WWOX: variants seen among roughly 807,000 people sequenced by gnomAD.
WWOX encodes WW domain-containing oxidoreductase.
WWOX carries 69 observed loss-of-function variants against 46.2 expected under a neutral mutation model. That is an observed-to-expected ratio of 1.49 (90% CI 1.23 to 1.82). The LOEUF (loss-of-function observed/expected upper bound fraction) is 1.82. WWOX is among the 40% of genes most tolerant of loss of function. The pLI, the probability that WWOX is intolerant of heterozygous loss-of-function variation, is 0.00. For missense variants in WWOX, 919 were observed against 542.6 expected (o/e 1.69, Z -6.89); for synonymous variants, 359 against 202.6 (o/e 1.77, Z -6.56).
chr16:78,525,875 G>C (rs966495484), intron 8 of WWOX: 1 of 151,326 alleles, frequency 6.6e-6, no homozygotes, highest in African/African-American at 2.4e-5. Context: ...GCAAGGGGAG[G>C]TGTGAGAAGA....
intron 5 of WWOX, among the ~76,000 whole-genome samples, chr16:78,233,705 T>G (rs1450018475): frequency 6.6e-6 from 1 of 151,890 alleles, no homozygotes; most frequent in Non-Finnish European, 1.5e-5. Flanking sequence ...TTTTTTGTAG[T>G]TTTAGTAGGG....
At chr16:78,756,414 T>G (rs140094094) in intron 8 of WWOX, among the ~76,000 whole-genome samples, 186 of 152,252 alleles carry the variant, frequency 1.2e-3, no homozygotes, top group African/African-American at 4.2e-3. Context: ...TAAACATTAT[T>G]CAGGAAGCTC....
intron 8 of WWOX, among the ~76,000 whole-genome samples, chr16:78,465,771 T>C (rs1035228345): frequency 3.9e-5 from 6 of 152,232 alleles, no homozygotes; most frequent in African/African-American, 1.2e-4. Context: ...CACCTTATTT[T>C]TTAAAATGTA....
intron 6 of WWOX, among the ~76,000 whole-genome samples, chr16:78,406,445 C>T (rs994673870): frequency 2.2e-4 from 33 of 147,246 alleles, no homozygotes; most frequent in Non-Finnish European, 4.2e-4. Flanking sequence ...CTCCGCCGCC[C>T]GGGTTCAAGC....
chr16:79,076,592 C>T (rs908458166), intron 8 of WWOX, among the ~76,000 whole-genome samples: 8 of 152,168 alleles, frequency 5.3e-5, no homozygotes, highest in Non-Finnish European at 1.0e-4. Flanking sequence ...TATCCAGGCC[C>T]CTTCATGACC....
chr16:78,929,939 A>G (rs2045582012), intron 8 of WWOX, among the ~76,000 whole-genome samples: 1 of 152,082 alleles, frequency 6.6e-6, no homozygotes, highest in Admixed American at 6.5e-5. Flanking sequence ...TTCAGGATAA[A>G]AATTCCCTGT....
At chr16:78,756,768 T>C (rs1373028125) in intron 8 of WWOX, among the ~76,000 whole-genome samples, 3 of 152,204 alleles carry the variant, frequency 2.0e-5, no homozygotes, top group African/African-American at 7.2e-5. Context: ...ATGTGGCCTC[T>C]GGTGATTCTC....
intron 8 of WWOX, among the ~76,000 whole-genome samples, chr16:78,930,331 G>A (rs1447113824): frequency 7.2e-6 from 1 of 138,656 alleles, no homozygotes; most frequent in Non-Finnish European, 1.6e-5. Flanking sequence ...AGACTGGAGT[G>A]CAGTGGCACA....
intron 8 of WWOX, among the ~76,000 whole-genome samples, chr16:79,112,578 T>C (rs929762745): frequency 6.6e-6 from 1 of 152,214 alleles, no homozygotes; most frequent in African/African-American, 2.4e-5. Context: ...TTTTCACTGA[T>C]GCAGATATTT....
At chr16:78,858,083 A>G (rs756052631) in intron 8 of WWOX, among the ~76,000 whole-genome samples, 20 of 152,124 alleles carry the variant, frequency 1.3e-4, no homozygotes, top group Non-Finnish European at 2.5e-4. Context: ...AATACTCTAT[A>G]GCAAAAAAAG....
intron 8 of WWOX, among the ~76,000 whole-genome samples, chr16:78,555,836 G>A (rs1399994570): frequency 1.3e-5 from 2 of 152,106 alleles, no homozygotes; most frequent in Non-Finnish European, 2.9e-5. Flanking sequence ...TAAGAAAAAT[G>A]AGAATGCCAG....
At chr16:78,706,746 G>A (rs537161955) in intron 8 of WWOX, among the ~76,000 whole-genome samples, 29 of 152,232 alleles carry the variant, frequency 1.9e-4, no homozygotes, top group Non-Finnish European at 3.4e-4. Context: ...GACGCAATTG[G>A]CACCTCAGAT....
intron 8 of WWOX, among the ~76,000 whole-genome samples, chr16:78,522,436 C>T (rs1338332428): frequency 6.6e-6 from 1 of 152,148 alleles, no homozygotes; most frequent in Non-Finnish European, 1.5e-5. Flanking sequence ...GCACAGTAGT[C>T]ACTCATCCTG....
chr16:78,277,671 G>T (rs534470579), intron 5 of WWOX, among the ~76,000 whole-genome samples: 1 of 152,158 alleles, frequency 6.6e-6, no homozygotes, highest in African/African-American at 2.4e-5. Flanking sequence ...CAGGGACAGC[G>T]TGTAGGGTTT....
intron 8 of WWOX, among the ~76,000 whole-genome samples, chr16:78,983,144 G>A (rs1225689292): frequency 1.3e-5 from 2 of 152,118 alleles, no homozygotes; most frequent in African/African-American, 2.4e-5. Context: ...TTCCCACCAA[G>A]GCATCAAACT....
intron 8 of WWOX, among the ~76,000 whole-genome samples, chr16:78,902,923 G>A (rs1040670183): frequency 2.6e-5 from 4 of 152,216 alleles, no homozygotes; most frequent in Non-Finnish European, 5.9e-5. Flanking sequence ...TTGTAAAGCT[G>A]CAAGGGAGTC....
intron 5 of WWOX, among the ~76,000 whole-genome samples, chr16:78,344,221 G>A (rs2081061000): frequency 1.7e-5 from 2 of 120,216 alleles, no homozygotes; most frequent in South Asian, 5.0e-4. Context: ...CGTTTTGACA[G>A]GATGATGAAT....
chr16:78,868,499 A>G (rs999124768), intron 8 of WWOX, among the ~76,000 whole-genome samples: 2 of 152,246 alleles, frequency 1.3e-5, no homozygotes, highest in African/African-American at 2.4e-5. Flanking sequence ...CTGTATATTT[A>G]CAATGGTTAA....
Position 79,072,270 on chromosome 16 carries a change from A to T in WWOX, c.1057-139338A>T, listed in dbSNP as rs1395139647. 2.0e-5 allele frequency among the ~76,000 whole-genome samples: 3 copies of T among 152,154 alleles called. No individual in the cohort carries two copies. In the East Asian group the frequency reaches 5.8e-4, roughly 29 times the overall value. Reference sequence around the variant, plus strand: ...CACTGCAATCTAGCCTGAGTAACAGAATGAGACTGTCCCCCCAACCCCCCA... The same window carrying T: ...CACTGCAATCTAGCCTGAGTAACAGTATGAGACTGTCCCCCCAACCCCCCA... On this transcript the variant is annotated intron_variant, in intron 8 of 8. Coordinates refer to ENST00000566780, the MANE Select transcript of WWOX (RefSeq NM_016373.4).
Sources: allele counts gnomAD v4.1 joint callset (sites outside exome capture counted in the v4.1 genomes callset), GRCh38; gene constraint gnomAD v4.1.1; transcripts MANE v1.5; gene names NCBI Gene and HGNC (gene_info 2026-07-23, HGNC 2026-07-21).